The following GRIN2B variants were observed in gnomAD, a reference collection of about 807,000 sequenced individuals.
GRIN2B encodes glutamate ionotropic receptor NMDA type subunit 2B, also known as glutamate receptor ionotropic, NMDA 2B.
A neutral mutation model predicts 114.5 loss-of-function variants in GRIN2B; 5 were observed. The observed-to-expected ratio is 0.04, with a 90% CI of 0.02 to 0.09. GRIN2B has a LOEUF of 0.09. Ranked by LOEUF, GRIN2B falls within the 10% of genes least tolerant of loss-of-function variation. The pLI, the probability that GRIN2B is intolerant of heterozygous loss-of-function variation, is 1.00. For synonymous variants in GRIN2B, 787 were observed against 745.1 expected (o/e 1.06, Z -0.92); for missense variants, 1,108 against 1,943.5 (o/e 0.57, Z 8.08).
chr12:13,804,152 GCTCT>G (rs745410501), intron 3 of GRIN2B, among the ~76,000 whole-genome samples: 5 of 126,546 alleles, frequency 4.0e-5, no homozygotes, highest in African/African-American at 1.0e-4. Context: ...CATTTCTGCA[GCTCT>G]CTTTTTTTTT....
intron 2 of GRIN2B, among the ~76,000 whole-genome samples, chr12:13,923,443 A>C (rs889298349): frequency 3.3e-5 from 5 of 152,244 alleles, no homozygotes; most frequent in African/African-American, 4.8e-5. Context: ...GGCACTTTTA[A>C]ATACCATTAA....
chr12:13,869,241 C>CTTTTT (rs377460231), intron 2 of GRIN2B, among the ~76,000 whole-genome samples: 2 of 127,370 alleles, frequency 1.6e-5, no homozygotes, highest in Non-Finnish European at 1.6e-5. Flanking sequence ...CTTTTTTTTT[C>CTTTTT]TTTTTTTTTT....
intron 5 of GRIN2B, among the ~76,000 whole-genome samples, chr12:13,660,953 T>C (rs1949916434): frequency 6.6e-6 from 1 of 152,198 alleles, no homozygotes; most frequent in South Asian, 2.1e-4. Flanking sequence ...TCATCAAGCT[T>C]TCTCTCTACA....
At position 13,553,591 on chromosome 12, in the gene GRIN2B, G is replaced by A. The variant is rs912902604; in HGVS notation, c.*9192C>T. On this transcript the variant is annotated 3_prime_UTR_variant, in exon 14 of 14. Transcript: ENST00000609686. ...GCGTGTGGTGAAATACAGTGGTCCTGTTGGACCACCACCTGGGGTCTACAA... is the reference window on the plus strand; with the variant it reads ...GCGTGTGGTGAAATACAGTGGTCCTATTGGACCACCACCTGGGGTCTACAA... 15 of 152,204 alleles carry A rather than the reference G, an allele frequency of 9.9e-5. No individual in the cohort carries two copies. The highest frequency in any genetic ancestry group is 2.9e-4 in the African/African-American group (12 of 41,458). The allele number at this position is 152,204 out of a possible 1,614,324, so 9.4% of individuals were successfully genotyped here. A position where few individuals can be genotyped will look rare whatever the true frequency, so the allele number is the denominator to read the frequency against.
At chr12:13,899,431 G>A (rs1305271278) in intron 2 of GRIN2B, among the ~76,000 whole-genome samples, 2 of 106,038 alleles carry the variant, frequency 1.9e-5, no homozygotes, top group Non-Finnish European at 5.4e-5. Flanking sequence ...TAGGGCAATC[G>A]GGGAGGTACC....
intron 5 of GRIN2B, among the ~76,000 whole-genome samples, chr12:13,645,088 C>T (rs770563904): frequency 1.3e-5 from 2 of 152,066 alleles, no homozygotes; most frequent in Non-Finnish European, 2.9e-5. Flanking sequence ...GTACAAGAGA[C>T]CTAGCTTTCA....
intron 2 of GRIN2B, among the ~76,000 whole-genome samples, chr12:13,897,564 A>G (rs915454793): frequency 3.3e-5 from 5 of 152,128 alleles, no homozygotes; most frequent in Non-Finnish European, 5.9e-5. Flanking sequence ...GGTTCTCCCA[A>G]TGAGTCGAGA....
intron 3 of GRIN2B, among the ~76,000 whole-genome samples, chr12:13,764,775 G>A (rs1863747902): frequency 6.6e-6 from 1 of 152,206 alleles, no homozygotes; most frequent in Non-Finnish European, 1.5e-5. Flanking sequence ...GATGGAAGTT[G>A]ACAAGCAAGA....
chr12:13,856,035 G>A (rs958806698), intron 3 of GRIN2B, among the ~76,000 whole-genome samples: 6 of 152,202 alleles, frequency 3.9e-5, no homozygotes, highest in South Asian at 4.1e-4. Context: ...ATAAAAGCAC[G>A]AAGAGGGCAC....
intron 3 of GRIN2B, among the ~76,000 whole-genome samples, chr12:13,766,505 G>A (rs1863791974): frequency 6.6e-6 from 1 of 152,264 alleles, no homozygotes; most frequent in East Asian, 1.9e-4. Context: ...CCTTGTATTT[G>A]TCCTCAGGTG....
At chr12:13,869,851 C>A (rs1180896893) in intron 2 of GRIN2B, among the ~76,000 whole-genome samples, 1 of 152,192 alleles carries the variant, frequency 6.6e-6, no homozygotes, top group South Asian at 2.1e-4. Flanking sequence ...ACCTAATTAC[C>A]ATCTCTATGC....
At position 13,552,177 on chromosome 12, in the gene GRIN2B, A is replaced by G. The variant is rs947444122; in HGVS notation, c.*10606T>C. ...GTGGGTAAGGGTGGTGTGATAAGTC[A>G]CTCCCTCTGCCCAGGGTGATGATCA... On this transcript the variant is annotated 3_prime_UTR_variant, in exon 14 of 14. Transcript: ENST00000609686. The G allele has an allele frequency of 1.3e-5, 2 of 151,728 alleles. No individual in the cohort carries two copies. The highest frequency in any genetic ancestry group is 4.8e-5 in the African/African-American group (2 of 41,256). 9.4% of individuals were successfully genotyped at this position (151,728 alleles called of 1,614,324 possible). A position where few individuals can be genotyped will look rare whatever the true frequency, so the allele number is the denominator to read the frequency against.
At chr12:13,727,973 T>C (rs971402267) in intron 4 of GRIN2B, among the ~76,000 whole-genome samples, 2 of 152,226 alleles carry the variant, frequency 1.3e-5, no homozygotes, top group Admixed American at 6.5e-5. Context: ...ACTGTAGCTC[T>C]TACTGTAGCA....
chr12:13,860,958 T>C (rs1865741872), intron 3 of GRIN2B, among the ~76,000 whole-genome samples: 1 of 152,212 alleles, frequency 6.6e-6, no homozygotes, highest in South Asian at 2.1e-4. Flanking sequence ...GACTCTGTCA[T>C]TCCCTATCAC....
At chr12:13,913,421 T>C (rs1343862979) in intron 2 of GRIN2B, among the ~76,000 whole-genome samples, 2 of 152,098 alleles carry the variant, frequency 1.3e-5, no homozygotes, top group East Asian at 3.9e-4. Flanking sequence ...GAACCAACTA[T>C]GCCAAGAGGG....
At chr12:13,899,885 A>G (rs1866414001) in intron 2 of GRIN2B, among the ~76,000 whole-genome samples, 1 of 152,104 alleles carries the variant, frequency 6.6e-6, no homozygotes, top group Admixed American at 6.5e-5. Flanking sequence ...TGAGTCTATG[A>G]TGATCTCACA....
chr12:13,829,475 G>C (rs1182677664), intron 3 of GRIN2B, among the ~76,000 whole-genome samples: 1 of 152,176 alleles, frequency 6.6e-6, no homozygotes, highest in Non-Finnish European at 1.5e-5. Flanking sequence ...TGCGGGAATT[G>C]AGCCCTTAAC....
chr12:13,541,161 C>T lies in GRIN2B; in HGVS notation c.*21622G>A, dbSNP rs1225722798. The T allele has an allele frequency of 6.6e-6, 1 of 152,262 alleles. No homozygotes were observed. The highest frequency in any genetic ancestry group is 1.5e-5 in the Non-Finnish European group (1 of 68,048). 9.4% of individuals were successfully genotyped at this position (152,262 alleles called of 1,614,324 possible). ...CCCTAGGGACAAGAGCTCACTGCCCCATCCCTTCTCTGATCTCCACTGTAA... is the reference window on the plus strand; with the variant it reads ...CCCTAGGGACAAGAGCTCACTGCCCTATCCCTTCTCTGATCTCCACTGTAA... On this transcript the variant is annotated 3_prime_UTR_variant, in exon 14 of 14. Transcript: ENST00000609686.
rs543256805 is a variant in GRIN2B, at chr12:13,741,435, A to G, written c.1010+11882T>C. On this transcript the variant is annotated intron_variant, in intron 4 of 13. Transcript: ENST00000609686. ...TCAACCTCTTTAGCAAAGGACATAGAAAGATGGATAACCTGGGGCAAAGTA... is the reference window on the plus strand; with the variant it reads ...TCAACCTCTTTAGCAAAGGACATAGGAAGATGGATAACCTGGGGCAAAGTA... Among the ~76,000 whole-genome samples, 35 of 152,360 alleles carry G rather than the reference A, an allele frequency of 2.3e-4. No homozygotes were observed. In the South Asian group the frequency reaches 6.6e-3, roughly 29 times the overall value.
Sources: gnomAD v4.1 joint callset for allele counts (sites outside exome capture counted in the v4.1 genomes callset) on GRCh38, gnomAD v4.1.1 for gene constraint, MANE v1.5 for transcripts, NCBI Gene and HGNC (gene_info 2026-07-23, HGNC 2026-07-21) for gene names.